RFC5: variants seen among roughly 807,000 people sequenced by gnomAD.
RFC5 encodes replication factor C subunit 5.
Under a neutral mutation model 44.3 loss-of-function variants are expected in RFC5, and 26 were observed. The ratio of observed to expected loss-of-function variants is 0.59; its 90% CI spans 0.43 to 0.81. RFC5 has a LOEUF of 0.81. RFC5 is among the 40% of genes least tolerant of loss of function. RFC5 has a pLI of 0.00. For missense variants in RFC5, 328 were observed against 418.6 expected (o/e 0.78, Z 1.89); for synonymous variants, 155 against 155.2 (o/e 1.00, Z 0.01).
At position 118,019,037 on chromosome 12, in the gene RFC5, A is replaced by G; in HGVS notation, c.66-35A>G. 1 of 1,436,564 alleles carries G rather than the reference A, an allele frequency of 7.0e-7. No homozygotes were observed. The highest frequency in any genetic ancestry group is 9.8e-7 in the Non-Finnish European group (1 of 1,019,122). 89.0% of individuals were successfully genotyped at this position (1,436,564 alleles called of 1,614,324 possible). On this transcript the variant is annotated intron_variant, in intron 1 of 10. Coordinates refer to ENST00000454402, the MANE Select transcript of RFC5 (RefSeq NM_007370.7). This position sits in a 1 kb window ranked among gnomAD's most constrained non-coding sequence, Gnocchi z 4.2. The stretch of plus-strand genomic sequence containing the variant: ...TTGCACATAAAATATTCTTGCATTT[A>G]TATATGTCATAATACATACTAAATT...
Position 118,027,036 on chromosome 12 carries a change from C to T in RFC5, c.793+18C>T. The stretch of plus-strand genomic sequence containing the variant: ...CTACAGAAGTATCCTTTCTCATGAC[C>T]TCCTGGCCACCGAGACCTGAAGGTG... On this transcript the variant is annotated intron_variant, in intron 8 of 10. Coordinates refer to ENST00000454402, the MANE Select transcript of RFC5 (RefSeq NM_007370.7). 6.2e-7 allele frequency: 1 copy of T among 1,604,142 alleles called. No homozygotes were observed. Among genetic ancestry groups the T allele is most frequent in the South Asian group, 1.1e-5 (1 of 90,594 alleles).
intron 1 of RFC5, chr12:118,017,948 A>T: frequency 2.9e-6 from 2 of 686,280 alleles, no homozygotes; most frequent in Admixed American, 4.1e-5. Context: ...CCCAAATGGA[A>T]ATCCTTTACC....
chr12:118,034,583 G>GTCTC (rs10624358), downstream of RFC5: 310 of 538,258 alleles, frequency 5.8e-4, 1 homozygote, highest in African/African-American at 5.2e-3. Flanking sequence ...CGCTCTCTCT[G>GTCTC]TCTCTCTCTC....
chr12:118,017,916 T>C (rs2030208334), intron 1 of RFC5: 2 of 675,506 alleles, frequency 3.0e-6, no homozygotes, highest in African/African-American at 1.8e-5. Context: ...CTTCCCGCTA[T>C]CTAGTTCCAA....
intron 10 of RFC5, among the ~76,000 whole-genome samples, chr12:118,030,276 A>T (rs190415650): frequency 1.7e-4 from 26 of 152,344 alleles, no homozygotes; most frequent in Non-Finnish European, 3.1e-4. Context: ...ATTTAAGTAG[A>T]CAGAGCATTG....
downstream of RFC5, chr12:118,035,169 C>A: frequency 6.2e-7 from 1 of 1,612,808 alleles, no homozygotes; most frequent in Non-Finnish European, 8.5e-7. Context: ...CCATTACTTG[C>A]AAGCACTTGT....
intron 6 of RFC5, chr12:118,025,315 A>G (rs1409231208): frequency 1.2e-5 from 4 of 347,526 alleles, no homozygotes; most frequent in Non-Finnish European, 1.6e-5. Context: ...TTCTGCAAAG[A>G]TGCTTCCAGC....
intron 1 of RFC5, among the ~76,000 whole-genome samples, chr12:118,018,221 T>C (rs1170423585): frequency 6.6e-6 from 1 of 152,270 alleles, no homozygotes; most frequent in Non-Finnish European, 1.5e-5. Flanking sequence ...TCCATTCTTC[T>C]GTTGAAGTCT....
chr12:118,031,223 G>A lies in RFC5; in HGVS notation c.968G>A (p.Ser323Asn), dbSNP rs765141893. Residue 323 changes from serine to asparagine, a missense_variant, in exon 11 of 11, where the codon AGC (serine) becomes AAC (asparagine). Physicochemically the swap from Ser to Asn is conservative, Grantham distance 46. Transcript: ENST00000454402. ...GGCACCAACGAGAAGATCCAGCTGA[G>A]CTCCCTCATTGCTGCATTTCAAGTC... ...SVGTNEKIQLSSLIAAFQVTR... is the reference protein window; with the variant it reads ...SVGTNEKIQLNSLIAAFQVTR... The A allele has an allele frequency of 6.2e-7, 1 of 1,614,060 alleles. No homozygotes were observed. The highest frequency in any genetic ancestry group is 1.1e-5 in the South Asian group (1 of 91,062).
chr12:118,020,859 A>G (rs758162638), intron 3 of RFC5, 47 bp from the exon 4 acceptor site: 17 of 1,256,044 alleles, frequency 1.4e-5, no homozygotes, highest in Admixed American at 1.0e-4. Context: ...ACTCACAGAT[A>G]GCACAGCAAC....
At chr12:118,022,074 G>A (rs1197025910) in intron 4 of RFC5, among the ~76,000 whole-genome samples, 3 of 152,226 alleles carry the variant, frequency 2.0e-5, no homozygotes, top group African/African-American at 7.2e-5. Context: ...GCGCACAGAA[G>A]TAGAGAAGTC....
intron 4 of RFC5, 80 bp from the exon 5 acceptor site, chr12:118,022,206 C>A: frequency 8.7e-7 from 1 of 1,147,312 alleles, no homozygotes; most frequent in Non-Finnish European, 1.3e-6. Flanking sequence ...CCCGATGGCA[C>A]AATGGGAAGA....
At chr12:118,027,597 G>A (rs375714899) in intron 8 of RFC5, among the ~76,000 whole-genome samples, 1 of 151,604 alleles carries the variant, frequency 6.6e-6, no homozygotes, top group African/African-American at 2.4e-5. Context: ...GCTTGAACCC[G>A]GGAGGCAGAG....
Position 118,016,711 on chromosome 12 carries a change from C to G in RFC5, c.-117C>G. On this transcript the variant is annotated 5_prime_UTR_variant, in exon 1 of 11. Transcript: ENST00000454402. ...TGGTGGCCGCGTCTCGCGAGAGTTG[C>G]TTTTGCGCGCGAACTGTAAGTGCCA... The G allele has an allele frequency of 1.2e-6, 1 of 845,928 alleles. No homozygotes were observed. Among genetic ancestry groups the G allele is most frequent in the Non-Finnish European group, 1.9e-6 (1 of 515,924 alleles). 52.4% of individuals were successfully genotyped at this position (845,928 alleles called of 1,614,324 possible). A position where few individuals can be genotyped will look rare whatever the true frequency, so the allele number is the denominator to read the frequency against.
chr12:118,040,040 C>A, the RFC5 span, among the ~76,000 whole-genome samples: 5 of 151,968 alleles, frequency 3.3e-5, no homozygotes, highest in African/African-American at 1.2e-4. Context: ...AAAAGTTAGT[C>A]ATGGTGCCTG....
intron 8 of RFC5, chr12:118,027,369 G>C (rs534030159): frequency 1.0e-5 from 2 of 200,962 alleles, no homozygotes; most frequent in Non-Finnish European, 2.0e-5. Flanking sequence ...GTGACACAAA[G>C]CCTTTTTGGA....
Position 118,019,009 on chromosome 12 carries a change from C to A in RFC5, c.66-63C>A. ...CCACTGTGCCTGACCTGCAAGGATT[C>A]TTTTGCACATAAAATATTCTTGCAT... On this transcript the variant is annotated intron_variant, in intron 1 of 10. Coordinates refer to ENST00000454402, the MANE Select transcript of RFC5 (RefSeq NM_007370.7). The surrounding 1 kb of genome is among the most constrained non-coding windows in gnomAD (Gnocchi z 4.2). The A allele has an allele frequency of 2.4e-6, 3 of 1,275,140 alleles. No homozygotes were observed. The highest frequency in any genetic ancestry group is 1.2e-5 in the South Asian group (1 of 83,968). 79.0% of individuals were successfully genotyped at this position (1,275,140 alleles called of 1,614,324 possible).
At chr12:118,016,985 C>T (rs1179149835) in intron 1 of RFC5, 93 bp downstream of exon 1, 3 of 994,484 alleles carry the variant, frequency 3.0e-6, no homozygotes, top group Admixed American at 2.0e-5. Flanking sequence ...CGGACCCCAA[C>T]CCGACCTCTT....
chr12:118,025,708 C>T (rs2030883932), intron 6 of RFC5, 39 bp from the exon 7 acceptor site: 1 of 1,196,742 alleles, frequency 8.4e-7, no homozygotes, highest in South Asian at 1.2e-5. Flanking sequence ...CTGGTGCTCT[C>T]AGGGGGCCTC....
Sources: allele counts gnomAD v4.1 joint callset (sites outside exome capture counted in the v4.1 genomes callset), GRCh38; gene constraint gnomAD v4.1.1; non-coding constraint Gnocchi (gnomAD v3.1); transcripts MANE v1.5; gene names NCBI Gene and HGNC (gene_info 2026-07-23, HGNC 2026-07-21).